The following PDZK1 variants were observed in gnomAD, a reference collection of about 807,000 sequenced individuals.
PDZK1 encodes the protein PDZ domain containing 1, also known as Na(+)/H(+) exchange regulatory cofactor NHE-RF3.
Under a neutral mutation model 38.1 loss-of-function variants are expected in PDZK1, and 23 were observed. That is an observed-to-expected ratio of 0.60 (90% CI 0.43 to 0.85). PDZK1 has a LOEUF of 0.85. Ranked by LOEUF, PDZK1 falls within the 40% of genes least tolerant of loss-of-function variation. The pLI, the probability that PDZK1 is intolerant of heterozygous loss-of-function variation, is 0.00. For synonymous variants in PDZK1, 98 were observed against 186.2 expected (o/e 0.53, Z 3.86); for missense variants, 297 against 504.3 (o/e 0.59, Z 3.94).
At chr1:145,686,763 C>G in intron 2 of PDZK1, 37 bp from the exon 3 acceptor site, 2 of 1,100,064 alleles carry the variant, frequency 1.8e-6, no homozygotes, top group Non-Finnish European at 2.6e-6. Context: ...TTTAATAACC[C>G]TCTGCCAACT....
chr1:145,689,244 C>T lies in PDZK1; in HGVS notation c.-2-1221G>A, dbSNP rs587768007. Among the ~76,000 whole-genome samples the T allele has an allele frequency of 2.0e-5, 3 of 152,272 alleles. No homozygotes were observed. In the East Asian group the frequency reaches 5.8e-4, roughly 29 times the overall value. ...AGCTACAGGCACATATCACTATGCC[C>T]TGCTAACTAATTTTTTTAGAGACAG... On this transcript the variant is annotated intron_variant, in intron 1 of 8. Coordinates refer to ENST00000417171, the MANE Select transcript of PDZK1 (RefSeq NM_001201325.2).
At chr1:145,687,053 A>G (rs1421412875) in intron 2 of PDZK1, among the ~76,000 whole-genome samples, 3 of 152,154 alleles carry the variant, frequency 2.0e-5, no homozygotes, top group African/African-American at 7.2e-5. Context: ...AGCACAGTGT[A>G]AGGAAAAGAC....
In PDZK1 at chr1:145,682,555, A is replaced by G. The variant is rs1654366267; in HGVS notation, c.542T>C (p.Ile181Thr). The G allele has an allele frequency of 8.1e-6, 13 of 1,608,584 alleles. No homozygotes were observed. Among genetic ancestry groups the G allele is most frequent in the Non-Finnish European group, 1.0e-5 (12 of 1,177,408 alleles). The change falls in exon 4 of 9, where the codon ATT (isoleucine) becomes ACT (threonine). Residue 181 changes from isoleucine (I) to threonine (T), a missense_variant. By Grantham distance (89) the Ile-to-Thr change is moderately conservative (BLOSUM62 -1). Around this residue, in one of 5 missense-constraint regions of PDZK1, gnomAD observed 35 missense variants for 73.9 expected, o/e 0.47. Coordinates refer to ENST00000417171, the MANE Select transcript of PDZK1 (RefSeq NM_001201325.2). ...RAGVLADDHL[I>T]EVNGENVEDA... ...CTCTACATTCTCTCCATTCACTTCA[A>G]TCAAGTGATCATCAGCCAGAACTCC...
intron 5 of PDZK1, among the ~76,000 whole-genome samples, chr1:145,680,412 A>G (rs1333400634): frequency 5.3e-5 from 8 of 151,850 alleles, no homozygotes; most frequent in East Asian, 1.9e-4. Context: ...TGTTCTTCCT[A>G]TTGAGTTGCA....
At chr1:145,684,045 C>T (rs587678849) in intron 3 of PDZK1, among the ~76,000 whole-genome samples, 1 of 151,134 alleles carries the variant, frequency 6.6e-6, no homozygotes, top group South Asian at 2.1e-4. Flanking sequence ...TGGGGTTTCG[C>T]CATGTTGGCC....
chr1:145,691,244 T>C (rs1180198337), intron 1 of PDZK1, among the ~76,000 whole-genome samples: 1 of 152,172 alleles, frequency 6.6e-6, no homozygotes, highest in Non-Finnish European at 1.5e-5. Context: ...CTAAAACTAT[T>C]TGTTTCCTTT....
chr1:145,679,745 C>T (rs145346604), intron 5 of PDZK1, among the ~76,000 whole-genome samples: 2 of 152,112 alleles, frequency 1.3e-5, no homozygotes, highest in Non-Finnish European at 2.9e-5. Flanking sequence ...TGCAAAGCCC[C>T]CAAGACATTA....
At chr1:145,686,369 GA>G in intron 3 of PDZK1, 107 bp downstream of exon 3, 2 of 1,446,664 alleles carry the variant, frequency 1.4e-6, no homozygotes, top group Middle Eastern at 2.6e-4. Flanking sequence ...TATAGCAACT[GA>G]AAAGTCAGTC....
At chr1:145,684,098 C>T (rs1446334389) in intron 3 of PDZK1, among the ~76,000 whole-genome samples, 1 of 151,652 alleles carries the variant, frequency 6.6e-6, no homozygotes, top group Non-Finnish European at 1.5e-5. Flanking sequence ...CCACTCGCCT[C>T]GCACTCTCAA....
At chr1:145,700,299 A>G (rs1464226864) in intron 1 of PDZK1, among the ~76,000 whole-genome samples, 1 of 152,226 alleles carries the variant, frequency 6.6e-6, no homozygotes, top group Non-Finnish European at 1.5e-5. Context: ...AGGGAATTAC[A>G]AAATAGAACC....
intron 6 of PDZK1, among the ~76,000 whole-genome samples, chr1:145,677,225 C>A (rs1453178635): frequency 6.6e-6 from 1 of 152,062 alleles, no homozygotes; most frequent in Admixed American, 6.6e-5. Context: ...CAGGTCTCAC[C>A]ATGTGGTATT....
intron 6 of PDZK1, among the ~76,000 whole-genome samples, chr1:145,675,015 T>C (rs1203671323): frequency 2.0e-5 from 3 of 152,094 alleles, no homozygotes; most frequent in Admixed American, 6.6e-5. Flanking sequence ...GCCAATACCC[T>C]CCCCTTCCAG....
intron 1 of PDZK1, among the ~76,000 whole-genome samples, chr1:145,703,309 G>A (rs1656073438): frequency 6.6e-6 from 1 of 152,146 alleles, no homozygotes; most frequent in African/African-American, 2.4e-5. Flanking sequence ...AGTGGGGAGA[G>A]TTATGAAGTT....
At chr1:145,699,611 G>A (rs1655840349) in intron 1 of PDZK1, among the ~76,000 whole-genome samples, 2 of 152,202 alleles carry the variant, frequency 1.3e-5, no homozygotes, top group South Asian at 4.1e-4. Context: ...GACTGTGGAA[G>A]CAGTTTCAAA....
intron 5 of PDZK1, among the ~76,000 whole-genome samples, chr1:145,679,109 T>C (rs192680531): frequency 6.6e-6 from 1 of 151,946 alleles, no homozygotes; most frequent in Admixed American, 6.5e-5. Flanking sequence ...GTTTTGAATA[T>C]ATTTGTATAT....
chr1:145,674,196 G>A, intron 6 of PDZK1: 1 of 985,354 alleles, frequency 1.0e-6, no homozygotes, highest in Non-Finnish European at 1.2e-6. Flanking sequence ...GTTCATGATA[G>A]TGAGCAAGTC....
intron 1 of PDZK1, among the ~76,000 whole-genome samples, chr1:145,697,976 G>A (rs1553704441): frequency 6.6e-6 from 1 of 151,600 alleles, no homozygotes; most frequent in African/African-American, 2.4e-5. Flanking sequence ...ATCAAGAGAT[G>A]ATATGGAGAA....
At chr1:145,684,170 A>G (rs1207442740) in intron 3 of PDZK1, among the ~76,000 whole-genome samples, 9 of 138,614 alleles carry the variant, frequency 6.5e-5, no homozygotes, top group Admixed American at 5.1e-4. Flanking sequence ...TCTTTGTCAT[A>G]TCTGAACTGC....
At position 145,705,203 on chromosome 1, in the gene PDZK1, G is replaced by T. The variant is rs369818400; in HGVS notation, c.-3+2114C>A. ...CCTCCCAGGTTCAAGCAATTCTCCT[G>T]CCTCAGCCTCCCAAGTAGCTAATAC... On this transcript the variant is annotated intron_variant, in intron 1 of 8. Coordinates refer to ENST00000417171, the MANE Select transcript of PDZK1 (RefSeq NM_001201325.2). Among the ~76,000 whole-genome samples, 4 of 152,180 alleles carry T rather than the reference G, an allele frequency of 2.6e-5. No individual in the cohort carries two copies. The East Asian group carries it at 5.8e-4, about 22-fold the overall frequency.
Sources: allele counts gnomAD v4.1 joint callset (sites outside exome capture counted in the v4.1 genomes callset), GRCh38; gene constraint gnomAD v4.1.1; regional missense constraint gnomAD v4.1.1; transcripts MANE v1.5; gene names NCBI Gene and HGNC (gene_info 2026-07-23, HGNC 2026-07-21).